PCDH15: variants seen among roughly 807,000 people sequenced by gnomAD.
The protein encoded by PCDH15 is protocadherin-15.
Under a neutral mutation model 178.5 loss-of-function variants are expected in PCDH15, and 129 were observed. The observed-to-expected ratio is 0.72, with a 90% CI of 0.63 to 0.84. PCDH15 has a LOEUF of 0.84. Among genes scored for constraint, PCDH15 ranks in the 40% least tolerant of loss-of-function variants. The pLI is 0.00. For missense variants in PCDH15, 2,230 were observed against 2,099.9 expected (o/e 1.06, Z -1.21); for synonymous variants, 800 against 732.0 (o/e 1.09, Z -1.50).
chr10:54,549,565 C>G (rs1456060493), intron 2 of PCDH15, among the ~76,000 whole-genome samples: 1 of 151,428 alleles, frequency 6.6e-6, no homozygotes. Context: ...TCTTTAATGC[C>G]TAGTATATGG....
In PCDH15 at chr10:54,453,867, G is replaced by A. The variant is rs1357098586; in HGVS notation, c.157+73945C>T. Among the ~76,000 whole-genome samples, 4 of 151,950 alleles carry A rather than the reference G, an allele frequency of 2.6e-5. No homozygotes were observed. In the East Asian group the frequency reaches 5.9e-4, roughly 22 times the overall value. On this transcript the variant is annotated intron_variant, in intron 3 of 37. Transcript: ENST00000644397. ...CTCAGAGGAAGTACAGCCCTCAGAG[G>A]AAGCACCTTCTAACCTCCAGAACTA...
At chr10:55,623,276 A>G (rs1397205877) in intron 2 of PCDH15, among the ~76,000 whole-genome samples, 2 of 152,188 alleles carry the variant, frequency 1.3e-5, no homozygotes, top group Non-Finnish European at 2.9e-5. Context: ...CTGGACTTAC[A>G]TACAAGTGGC....
intron 27 of PCDH15, among the ~76,000 whole-genome samples, chr10:53,865,798 T>G (rs2079410538): frequency 6.6e-6 from 1 of 152,098 alleles, no homozygotes; most frequent in Non-Finnish European, 1.5e-5. Context: ...TCCAGGGAAC[T>G]AAATGAGAAG....
At chr10:54,750,102 T>C (rs1362584951) in intron 1 of PCDH15, among the ~76,000 whole-genome samples, 1 of 151,982 alleles carries the variant, frequency 6.6e-6, no homozygotes, top group African/African-American at 2.4e-5. Flanking sequence ...CTGTCTCTCT[T>C]TCTCTCTTTC....
chr10:54,294,257 C>T (rs901797441), intron 8 of PCDH15, among the ~76,000 whole-genome samples: 2 of 149,022 alleles, frequency 1.3e-5, no homozygotes, highest in Non-Finnish European at 3.0e-5. Flanking sequence ...AGTTGGGAAT[C>T]GAACAATGAG....
At chr10:55,558,050 A>G (rs1842125383) in intron 2 of PCDH15, among the ~76,000 whole-genome samples, 1 of 152,118 alleles carries the variant, frequency 6.6e-6, no homozygotes, top group Non-Finnish European at 1.5e-5. Flanking sequence ...GACTATGCCA[A>G]CTGACATCTG....
At chr10:54,188,662 C>G (rs2133847785) in intron 11 of PCDH15, among the ~76,000 whole-genome samples, 1 of 151,868 alleles carries the variant, frequency 6.6e-6, no homozygotes, top group East Asian at 1.9e-4. Flanking sequence ...TGAAAACACA[C>G]AGGTAAACAA....
intron 2 of PCDH15, among the ~76,000 whole-genome samples, chr10:54,593,984 G>A (rs1454328061): frequency 6.6e-6 from 1 of 151,956 alleles, no homozygotes; most frequent in Non-Finnish European, 1.5e-5. Flanking sequence ...GGCATTGAGA[G>A]CAGATAGAGA....
chr10:54,356,364 T>C (rs1944972425), intron 5 of PCDH15, among the ~76,000 whole-genome samples: 1 of 151,860 alleles, frequency 6.6e-6, no homozygotes, highest in African/African-American at 2.4e-5. Flanking sequence ...AATGCTAAAA[T>C]TGAGACTAAA....
In PCDH15 at chr10:54,468,303, A is replaced by G. The variant is rs189837015; in HGVS notation, c.157+59509T>C. ...TTAATGTAGGCGTTTATTGCTAAAA[A>G]CTTTCCTCTTAGTATTGTTTTTTTT... On this transcript the variant is annotated intron_variant, in intron 3 of 37. Transcript: ENST00000644397. Among the ~76,000 whole-genome samples the G allele has an allele frequency of 2.0e-5, 3 of 151,396 alleles. No individual in the cohort carries two copies. The East Asian group carries it at 5.8e-4, about 29-fold the overall frequency.
chr10:54,318,837 C>T (rs986875019), intron 7 of PCDH15, among the ~76,000 whole-genome samples: 1 of 152,196 alleles, frequency 6.6e-6, no homozygotes, highest in South Asian at 2.1e-4. Flanking sequence ...TGACTTATCA[C>T]TGTTGTTAAC....
chr10:54,549,993 C>T (rs1475554294), intron 2 of PCDH15, among the ~76,000 whole-genome samples: 1 of 152,012 alleles, frequency 6.6e-6, no homozygotes, highest in Non-Finnish European at 1.5e-5. Context: ...ATTTTATCTC[C>T]TAACTCCTAT....
intron 2 of PCDH15, among the ~76,000 whole-genome samples, chr10:55,381,034 A>T (rs1432685596): frequency 6.6e-6 from 1 of 152,190 alleles, no homozygotes; most frequent in Non-Finnish European, 1.5e-5. Flanking sequence ...CTAATGTCCA[A>T]CCTGTTAATA....
intron 2 of PCDH15, among the ~76,000 whole-genome samples, chr10:55,100,836 C>T (rs966704265): frequency 6.6e-6 from 1 of 152,030 alleles, no homozygotes; most frequent in African/African-American, 2.4e-5. Flanking sequence ...ATATCTAAAC[C>T]TTAGCATTAA....
intron 26 of PCDH15, among the ~76,000 whole-genome samples, chr10:53,875,354 A>G (rs56754916): frequency 0.014 from 2,121 of 152,036 alleles, 41 homozygotes; most frequent in African/African-American, 0.048. Context: ...TCATAAATAT[A>G]TTCTATAATT....
At chr10:55,524,481 T>C (rs896238995) in intron 2 of PCDH15, among the ~76,000 whole-genome samples, 1 of 151,648 alleles carries the variant, frequency 6.6e-6, no homozygotes, top group South Asian at 2.1e-4. Context: ...ATTATAATTA[T>C]ACATTGAAAT....
chr10:54,599,900 T>C, intron 2 of PCDH15: 1 of 726,438 alleles, frequency 1.4e-6, no homozygotes, highest in Non-Finnish European at 2.4e-6. Flanking sequence ...GAAAAGAAAG[T>C]TGAGGAAAAG....
At chr10:54,797,403 C>A (rs1316183461) in intron 1 of PCDH15, among the ~76,000 whole-genome samples, 1 of 151,780 alleles carries the variant, frequency 6.6e-6, no homozygotes, top group African/African-American at 2.4e-5. Flanking sequence ...AGGGTGAATG[C>A]AACCTTTAAA....
At chr10:54,657,144 G>C in intron 2 of PCDH15, among the ~76,000 whole-genome samples, 1 of 152,220 alleles carries the variant, frequency 6.6e-6, no homozygotes, top group Admixed American at 6.5e-5. Context: ...GTAGCTGCCG[G>C]AGGGGCATAC....
Sources: allele counts gnomAD v4.1 joint callset (sites outside exome capture counted in the v4.1 genomes callset), GRCh38; gene constraint gnomAD v4.1.1; transcripts MANE v1.5; gene names NCBI Gene and HGNC (gene_info 2026-07-23, HGNC 2026-07-21).